Variants in CDK19 observed in about 807,000 individuals in gnomAD.
CDK19 encodes cyclin dependent kinase 19, also known as cyclin-dependent kinase 19.
Under a neutral mutation model 68.3 loss-of-function variants are expected in CDK19, and 20 were observed. The ratio of observed to expected loss-of-function variants is 0.29; its 90% CI spans 0.21 to 0.43. The LOEUF (loss-of-function observed/expected upper bound fraction) is 0.43, where lower values mean the gene tolerates loss of function less well. Ranked by LOEUF, CDK19 falls within the 20% of genes least tolerant of loss-of-function variation. The probability of loss-of-function intolerance (pLI) is 1.00; values close to 1 mark genes in which losing one functional copy is unlikely to be tolerated. For synonymous variants in CDK19, 221 were observed against 222.8 expected, an observed-to-expected ratio of 0.99 and a Z score of 0.07; for missense variants, 339 against 623.5, an observed-to-expected ratio of 0.54 and a Z score of 4.86.
intron 2 of CDK19, among the ~76,000 whole-genome samples, chr6:110,689,278 C>T (rs560695904): frequency 2.7e-4 from 41 of 152,260 alleles, no homozygotes; most frequent in African/African-American, 9.9e-4. Context: ...AGAGCACAGA[C>T]CTACCTGACT....
intron 6 of CDK19, 82 bp downstream of exon 6, chr6:110,631,948 T>C: frequency 7.6e-7 from 1 of 1,312,414 alleles, no homozygotes; most frequent in South Asian, 1.3e-5. Context: ...AAATGGTTTT[T>C]ATCAAGTAGC....
intron 1 of CDK19, among the ~76,000 whole-genome samples, chr6:110,747,051 TATAAG>T (rs1425949385): frequency 6.6e-6 from 1 of 152,228 alleles, no homozygotes; most frequent in Non-Finnish European, 1.5e-5. Context: ...GAGCTGTTCT[TATAAG>T]AGAAGTTAAA....
At chr6:110,784,416 A>C (rs910506054) in intron 1 of CDK19, among the ~76,000 whole-genome samples, 11 of 152,194 alleles carry the variant, frequency 7.2e-5, no homozygotes, top group African/African-American at 2.2e-4. Context: ...GGAACTGCAA[A>C]TCAAAACCAC....
chr6:110,673,319 T>C (rs9374191), intron 2 of CDK19, among the ~76,000 whole-genome samples: 23,849 of 152,190 alleles, frequency 0.16, 2,085 homozygotes, highest in East Asian at 0.32. Flanking sequence ...ATCGTATGTA[T>C]AGACCATATT....
chr6:110,784,085 G>C (rs1275861404), intron 1 of CDK19, among the ~76,000 whole-genome samples: 7 of 148,934 alleles, frequency 4.7e-5, no homozygotes, highest in African/African-American at 1.5e-4. Context: ...CTTGAGCTGG[G>C]GAGGCAGAGG....
chr6:110,611,915 T>C lies in CDK19; in HGVS notation c.*2620A>G. 1 of 152,362 alleles carries C rather than the reference T, an allele frequency of 6.6e-6. No individual in the cohort carries two copies. Among genetic ancestry groups the C allele is most frequent in the Middle Eastern group, 3.4e-3 (1 of 298 alleles). 9.4% of individuals were successfully genotyped at this position (152,362 alleles called of 1,614,324 possible). On this transcript the variant is annotated 3_prime_UTR_variant, in exon 13 of 13. Transcript: ENST00000368911. ...AAGAGGAGAAAAGAGCCAGTACCAG[T>C]GCAGGGATAGGAACTCAGTCATGTG... is the stretch of plus-strand genomic sequence containing the variant.
chr6:110,766,175 T>C (rs1055263189), intron 1 of CDK19, among the ~76,000 whole-genome samples: 1 of 152,162 alleles, frequency 6.6e-6, no homozygotes, highest in African/African-American at 2.4e-5. Flanking sequence ...CTATTCACAA[T>C]ACTGAAGATA....
chr6:110,625,391 G>C (rs1354141903), intron 8 of CDK19, among the ~76,000 whole-genome samples: 1 of 151,896 alleles, frequency 6.6e-6, no homozygotes, highest in Non-Finnish European at 1.5e-5. Context: ...AAACTCCTGG[G>C]CTCAAGAGAT....
chr6:110,753,572 G>A (rs1034700900), intron 1 of CDK19, among the ~76,000 whole-genome samples: 4 of 148,662 alleles, frequency 2.7e-5, no homozygotes, highest in East Asian at 2.0e-4. Context: ...TTCCTGTAGC[G>A]ATGGGGTCTC....
chr6:110,647,340 G>A (rs970501340), intron 4 of CDK19, among the ~76,000 whole-genome samples: 2 of 131,504 alleles, frequency 1.5e-5, no homozygotes, highest in African/African-American at 2.8e-5. Flanking sequence ...CGAAACCCAA[G>A]CCCCTCCTTC....
In CDK19 at chr6:110,621,834, G is replaced by C. The variant is rs1292662155; in HGVS notation, c.1110+254C>G. On this transcript the variant is annotated intron_variant, in intron 11 of 12. Coordinates refer to ENST00000368911, the MANE Select transcript of CDK19 (RefSeq NM_015076.5). This position sits in a 1 kb window ranked among gnomAD's most constrained non-coding sequence, Gnocchi z 5.4. ...GGTAGTGACACCAAACAAACAGAAAGAGCAAGAAGTGGGAATCCGGGAGTA... is the reference window on the plus strand; with the variant it reads ...GGTAGTGACACCAAACAAACAGAAACAGCAAGAAGTGGGAATCCGGGAGTA... 6.6e-6 allele frequency among the ~76,000 whole-genome samples: 1 copy of C among 152,148 alleles called. No individual in the cohort carries two copies. Among genetic ancestry groups the C allele is most frequent in the Non-Finnish European group, 1.5e-5 (1 of 68,026 alleles).
In CDK19 at chr6:110,815,273, C is replaced by A. The variant is rs1399665576; in HGVS notation, c.-137G>T. The A allele has an allele frequency of 8.8e-6, 9 of 1,028,196 alleles. No homozygotes were observed. The highest frequency in any genetic ancestry group is 1.2e-5 in the Non-Finnish European group (9 of 780,190). 63.7% of individuals were successfully genotyped at this position (1,028,196 alleles called of 1,614,324 possible). A position where few individuals can be genotyped will look rare whatever the true frequency, so the allele number is the denominator to read the frequency against. ...CGCGCGCGCGCCGCCCGCCGCCCGC[C>A]GCTCCGCGGTCCGCCTTCAGCAAGG... On this transcript the variant is annotated 5_prime_UTR_variant, in exon 1 of 13. Transcript: ENST00000368911.
intron 4 of CDK19, among the ~76,000 whole-genome samples, chr6:110,657,211 A>G (rs1582794697): frequency 6.6e-6 from 1 of 152,144 alleles, no homozygotes; most frequent in South Asian, 2.1e-4. Context: ...TCAGAGATGC[A>G]CTCCAAGCCA....
At chr6:110,812,497 A>G (rs1431206150) in intron 1 of CDK19, among the ~76,000 whole-genome samples, 1 of 152,234 alleles carries the variant, frequency 6.6e-6, no homozygotes, top group Non-Finnish European at 1.5e-5. Context: ...AATTTGTGAT[A>G]TAATTAATAT....
chr6:110,663,177 G>A (rs1781720529), intron 4 of CDK19, among the ~76,000 whole-genome samples: 1 of 152,102 alleles, frequency 6.6e-6, no homozygotes, highest in South Asian at 2.1e-4. Context: ...TAGAGATGGT[G>A]AGCACTCAGT....
chr6:110,758,768 A>T (rs1583035642), intron 1 of CDK19, among the ~76,000 whole-genome samples: 1 of 152,178 alleles, frequency 6.6e-6, no homozygotes, highest in Non-Finnish European at 1.5e-5. Flanking sequence ...CCTAAAAGCA[A>T]GTACCTCCTT....
intron 2 of CDK19, among the ~76,000 whole-genome samples, chr6:110,681,146 G>A (rs1175610011): frequency 1.3e-5 from 2 of 152,116 alleles, no homozygotes; most frequent in Admixed American, 6.6e-5. Context: ...AGGAGTTCAC[G>A]ACTGGCCTGG....
chr6:110,670,365 AT>A, intron 3 of CDK19, 65 bp downstream of exon 3: 1 of 805,216 alleles, frequency 1.2e-6, no homozygotes, highest in African/African-American at 1.7e-5. Flanking sequence ...AACAATATGT[AT>A]TTTATATAAA....
chr6:110,719,972 G>GCTCC (rs1554211507), intron 2 of CDK19, among the ~76,000 whole-genome samples: 12 of 45,518 alleles, frequency 2.6e-4, no homozygotes, highest in Non-Finnish European at 4.2e-4. Context: ...CTTGTGATCC[G>GCTCC]CCCCCCCCCC....
Sources: allele counts gnomAD v4.1 joint callset (sites outside exome capture counted in the v4.1 genomes callset), GRCh38; gene constraint gnomAD v4.1.1; non-coding constraint Gnocchi (gnomAD v3.1); transcripts MANE v1.5; gene names NCBI Gene and HGNC (gene_info 2026-07-23, HGNC 2026-07-21).